LRBA: variants seen among roughly 807,000 people sequenced by gnomAD.
The protein encoded by LRBA is LPS responsive beige-like anchor protein, also known as lipopolysaccharide-responsive and beige-like anchor protein.
Under a neutral mutation model 330.0 loss-of-function variants are expected in LRBA, and 176 were observed. That is an observed-to-expected ratio of 0.53 (90% CI 0.47 to 0.60). The LOEUF (loss-of-function observed/expected upper bound fraction) is 0.60. LRBA is among the 20% of genes least tolerant of loss of function. The pLI is 0.00. For synonymous variants in LRBA, 1,230 were observed against 1,193.0 expected, an observed-to-expected ratio of 1.03 and a Z score of -0.64; for missense variants, 3,259 against 3,444.8, an observed-to-expected ratio of 0.95 and a Z score of 1.35.
At chr4:150,521,884 A>G (rs1331507132) in intron 40 of LRBA, among the ~76,000 whole-genome samples, 2 of 152,204 alleles carry the variant, frequency 1.3e-5, no homozygotes. Context: ...ATTCTACATA[A>G]TTACTGACAA....
At chr4:150,912,009 T>C (rs1050020085) in intron 9 of LRBA, among the ~76,000 whole-genome samples, 1 of 152,216 alleles carries the variant, frequency 6.6e-6, no homozygotes, top group Non-Finnish European at 1.5e-5. Flanking sequence ...CTTATAATTC[T>C]TTCTATTTCT....
Position 150,396,480 on chromosome 4 carries a change from TCA to T in LRBA, c.7194+18956_7194+18957del, listed in dbSNP as rs10641158. 4.4e-4 allele frequency among the ~76,000 whole-genome samples: 64 copies of T among 145,828 alleles called. 1 individual carries two copies. The highest frequency in any genetic ancestry group is 1.6e-3 in the South Asian group (7 of 4,464). On this transcript the variant is annotated intron_variant, in intron 47 of 56. Transcript: ENST00000651943. ...GCCAATTCCCATAATAAATCTCATC[TCA>T]CACACACACACACACACACACACAC...
chr4:150,839,740 G>A (rs182208622), intron 28 of LRBA, among the ~76,000 whole-genome samples: 7 of 152,280 alleles, frequency 4.6e-5, no homozygotes, highest in Admixed American at 1.3e-4. Context: ...CCTGTCATGG[G>A]GCGGGGTTAG....
At chr4:150,987,821 G>C (rs550609351) in intron 2 of LRBA, among the ~76,000 whole-genome samples, 16 of 151,962 alleles carry the variant, frequency 1.1e-4, no homozygotes, top group Non-Finnish European at 2.2e-4. Flanking sequence ...GGCCAACATG[G>C]GGAAACCCTG....
intron 40 of LRBA, among the ~76,000 whole-genome samples, chr4:150,495,889 C>T (rs1759533190): frequency 1.3e-5 from 2 of 152,134 alleles, no homozygotes; most frequent in South Asian, 4.2e-4. Context: ...TGCTTGAAAT[C>T]TTTACTCTCT....
At chr4:150,930,912 T>C (rs1173891519) in intron 2 of LRBA, among the ~76,000 whole-genome samples, 1 of 152,216 alleles carries the variant, frequency 6.6e-6, no homozygotes, top group Non-Finnish European at 1.5e-5. Flanking sequence ...TGGCCGTAGC[T>C]AAAAAGTATA....
intron 47 of LRBA, among the ~76,000 whole-genome samples, chr4:150,386,256 T>C (rs1196722648): frequency 6.6e-6 from 1 of 152,190 alleles, no homozygotes; most frequent in Admixed American, 6.5e-5. Flanking sequence ...CTTTTTCTAA[T>C]GCAGTATTTC....
intron 2 of LRBA, among the ~76,000 whole-genome samples, chr4:150,969,292 C>T (rs1005741516): frequency 1.3e-5 from 2 of 152,142 alleles, no homozygotes; most frequent in Non-Finnish European, 2.9e-5. Context: ...GATAGTGATT[C>T]CTCTGATAGA....
At chr4:150,592,149 T>TG (rs1210167440) in intron 38 of LRBA, among the ~76,000 whole-genome samples, 2 of 138,634 alleles carry the variant, frequency 1.4e-5, no homozygotes, top group Non-Finnish European at 3.1e-5. Flanking sequence ...CTAGGGTTTT[T>TG]TTTTTTTTTT....
intron 40 of LRBA, chr4:150,582,400 C>T (rs1464450475): frequency 6.6e-6 from 1 of 151,866 alleles, no homozygotes; most frequent in Non-Finnish European, 1.5e-5. Context: ...GGGGCGTCAG[C>T]AAACCTCCAA....
At position 150,908,754 on chromosome 4, in the gene LRBA, T is replaced by C. The variant is rs1731622397; in HGVS notation, c.1265A>G (p.Asn422Ser). The C allele has an allele frequency of 1.2e-6, 2 of 1,613,964 alleles. No homozygotes were observed. The highest frequency in any genetic ancestry group is 1.7e-6 in the Non-Finnish European group (2 of 1,179,860). ...AAGCTGGGCATCTGTAGCCCGTGGA[T>C]TGTACGTGAATGCAATGGCACTAGA... ...KLSSAIAFTY[N>S]PRATDAQLCL... Residue 422 changes from asparagine to serine, a missense_variant, in exon 10 of 57, where the codon AAT becomes AGT. Transcript: ENST00000651943.
At chr4:150,780,207 T>C (rs751414540) in intron 34 of LRBA, among the ~76,000 whole-genome samples, 5 of 152,194 alleles carry the variant, frequency 3.3e-5, no homozygotes, top group Non-Finnish European at 5.9e-5. Flanking sequence ...AATATGAAAA[T>C]GAGATTTTAA....
At position 150,900,202 on chromosome 4, in the gene LRBA, A is replaced by T; in HGVS notation, c.1771T>A (p.Tyr591Asn). Residue 591 changes from tyrosine to asparagine, a missense_variant, in exon 14 of 57, where the codon TAT (tyrosine) becomes AAT (asparagine). Coordinates refer to ENST00000651943, the MANE Select transcript of LRBA (RefSeq NM_001364905.1). Reference protein sequence around the residue: ...HTPAKVQLMLYTYLSTEFIGT... With the variant: ...HTPAKVQLMLNTYLSTEFIGT... ...ATGAATTCCGTGGACAGATAAGTAT[A>T]GAGCATCAGTTGAACCTACAGAATA... is the stretch of plus-strand genomic sequence containing the variant. The T allele has an allele frequency of 6.2e-7, 1 of 1,607,974 alleles. No homozygotes were observed.
intron 2 of LRBA, among the ~76,000 whole-genome samples, chr4:150,966,664 A>T (rs894916565): frequency 1.3e-5 from 2 of 152,116 alleles, no homozygotes; most frequent in African/African-American, 2.4e-5. Flanking sequence ...ACTAAAAGGC[A>T]AATCAGGATG....
intron 35 of LRBA, among the ~76,000 whole-genome samples, chr4:150,746,987 T>C (rs1350135260): frequency 2.6e-5 from 4 of 152,284 alleles, no homozygotes; most frequent in South Asian, 2.1e-4. Context: ...TGATAATCAC[T>C]GTATTGTTGA....
At chr4:150,827,361 A>G (rs1224749729) in intron 30 of LRBA, among the ~76,000 whole-genome samples, 1 of 152,210 alleles carries the variant, frequency 6.6e-6, no homozygotes, top group African/African-American at 2.4e-5. Context: ...CAAAAAGGTC[A>G]GAAAGAAATT....
At chr4:150,855,831 C>A (rs747869023) in intron 22 of LRBA, among the ~76,000 whole-genome samples, 13 of 152,194 alleles carry the variant, frequency 8.5e-5, no homozygotes, top group Admixed American at 2.0e-4. Context: ...CTAACACAAA[C>A]CTAGCCAATT....
At chr4:150,777,911 T>G (rs912829519) in intron 34 of LRBA, among the ~76,000 whole-genome samples, 8 of 140,476 alleles carry the variant, frequency 5.7e-5, no homozygotes, top group African/African-American at 2.1e-4. Context: ...GAGGCAGAGG[T>G]TGCAGTGAGC....
chr4:150,823,152 T>C (rs980926320), intron 30 of LRBA, among the ~76,000 whole-genome samples: 1 of 152,198 alleles, frequency 6.6e-6, no homozygotes, highest in Non-Finnish European at 1.5e-5. Flanking sequence ...TTGTTTTGAT[T>C]TGCATTTTTC....
Sources: allele counts gnomAD v4.1 joint callset (sites outside exome capture counted in the v4.1 genomes callset), GRCh38; gene constraint gnomAD v4.1.1; transcripts MANE v1.5; gene names NCBI Gene and HGNC (gene_info 2026-07-23, HGNC 2026-07-21).